Variants in HDAC5 observed in about 807,000 individuals in gnomAD.
HDAC5 encodes the protein histone deacetylase 5.
Under a neutral mutation model 133.3 loss-of-function variants are expected in HDAC5, and 25 were observed. The ratio of observed to expected loss-of-function variants is 0.19; its 90% CI spans 0.14 to 0.26. The LOEUF is 0.26. Among genes scored for constraint, HDAC5 ranks in the 10% least tolerant of loss-of-function variants. The pLI is 1.00. For missense variants in HDAC5, 1,041 were observed against 1,460.5 expected (o/e 0.71, Z 4.68); for synonymous variants, 589 against 610.8 (o/e 0.96, Z 0.53).
At chr17:44,080,256 CAGATG>C in intron 22 of HDAC5, 31 bp from the exon 23 acceptor site, 1 of 1,593,282 alleles carries the variant, frequency 6.3e-7, no homozygotes, top group Non-Finnish European at 8.6e-7. Context: ...CTGAGCCCGG[CAGATG>C]ACCAGGCCAG....
At chr17:44,098,343 C>T (rs1027863775) in intron 3 of HDAC5, among the ~76,000 whole-genome samples, 1 of 152,160 alleles carries the variant, frequency 6.6e-6, no homozygotes, top group South Asian at 2.1e-4. Context: ...GGCTCTTGGC[C>T]GCCTCCTGGT....
In HDAC5 at chr17:44,086,759, G is replaced by A. The variant is rs541377830; in HGVS notation, c.1885-22C>T. 91 of 1,285,740 alleles carry A rather than the reference G, an allele frequency of 7.1e-5. 1 individual carries two copies. In the South Asian group the frequency reaches 3.1e-3, roughly 44 times the overall value. The allele number at this position is 1,285,740 out of a possible 1,614,324, so 79.6% of individuals were successfully genotyped here. A position where few individuals can be genotyped will look rare whatever the true frequency, so the allele number is the denominator to read the frequency against. On this transcript the variant is annotated intron_variant, in intron 13 of 26. Transcript: ENST00000682912. ...ACAGCTGGAGGGGAGAATGGGAGGGGGCCTGGGTCAGACTCAGCCAGGACA... is the reference window on the plus strand; with the variant it reads ...ACAGCTGGAGGGGAGAATGGGAGGGAGCCTGGGTCAGACTCAGCCAGGACA...
chr17:44,092,136 T>C, intron 9 of HDAC5, 36 bp downstream of exon 9: 1 of 1,575,024 alleles, frequency 6.3e-7, no homozygotes, highest in Non-Finnish European at 8.7e-7. Flanking sequence ...GGAGCAACTC[T>C]GTCCCCGCCC....
chr17:44,085,193 G>A, intron 14 of HDAC5, 38 bp from the exon 15 acceptor site: 2 of 1,533,718 alleles, frequency 1.3e-6, no homozygotes, highest in Non-Finnish European at 1.8e-6. Flanking sequence ...GCACTGCTCT[G>A]GGCCCAGGAT....
In HDAC5 at chr17:44,111,348, G is replaced by C. The variant is rs770311942; in HGVS notation, c.23-548C>G. On this transcript the variant is annotated intron_variant, in intron 2 of 26. Coordinates refer to ENST00000682912, the MANE Select transcript of HDAC5 (RefSeq NM_005474.5). Reference sequence around the variant, plus strand: ...GCGGGCTGCCAGGAGGCCCCATGGGGGGGGAGGCGGTTCTACCCCAGGAGG... The same window carrying C: ...GCGGGCTGCCAGGAGGCCCCATGGGCGGGGAGGCGGTTCTACCCCAGGAGG... The C allele has an allele frequency of 1.8e-4, 60 of 331,350 alleles. No individual in the cohort carries two copies. In the Admixed American group the frequency reaches 2.2e-3, roughly 12 times the overall value. The allele number at this position is 331,350 out of a possible 1,614,324, so 20.5% of individuals were successfully genotyped here.
intron 16 of HDAC5, 70 bp downstream of exon 16, chr17:44,084,485 G>T: frequency 6.3e-7 from 1 of 1,590,794 alleles, no homozygotes. Flanking sequence ...TGGTCAGGCA[G>T]TCTTCCTGAG....
Position 44,117,534 on chromosome 17 carries a change from G to GCA in HDAC5, c.-20_-19insTG. 1 of 1,613,678 alleles carries GCA rather than the reference G, an allele frequency of 6.2e-7. No individual in the cohort carries two copies. The highest frequency in any genetic ancestry group is 8.5e-7 in the Non-Finnish European group (1 of 1,179,984). On this transcript the variant is annotated 5_prime_UTR_variant, in exon 2 of 27. Transcript: ENST00000682912. This position sits in a 1 kb window ranked among gnomAD's most constrained non-coding sequence, Gnocchi z 4.2. ...AGTTCATGCCGGCTCTGGGCCTGCAGGAAGCTGGCGTTGGGGGCTGGGACG... is the reference window on the plus strand; with the variant it reads ...AGTTCATGCCGGCTCTGGGCCTGCAGCAGAAGCTGGCGTTGGGGGCTGGGACG...
intron 3 of HDAC5, among the ~76,000 whole-genome samples, chr17:44,100,253 G>C (rs753946008): frequency 6.6e-6 from 1 of 152,072 alleles, no homozygotes; most frequent in Non-Finnish European, 1.5e-5. Flanking sequence ...CCAGGTCCAA[G>C]CCCCCTCTCA....
chr17:44,105,402 A>G (rs400460), intron 3 of HDAC5, among the ~76,000 whole-genome samples: 101,628 of 152,136 alleles, frequency 0.67, 35,294 homozygotes, highest in South Asian at 0.88. Flanking sequence ...CTCTGGAGAA[A>G]TAGACTCACA....
chr17:44,101,127 C>T (rs1040527943), intron 3 of HDAC5, among the ~76,000 whole-genome samples: 22 of 148,214 alleles, frequency 1.5e-4, no homozygotes, highest in African/African-American at 4.0e-4. Flanking sequence ...CTGCTCCAGC[C>T]GGGCACAGTG....
chr17:44,084,891 T>TCCC, intron 15 of HDAC5, 131 bp downstream of exon 15: 1 of 1,307,312 alleles, frequency 7.6e-7, no homozygotes, highest in Non-Finnish European at 1.1e-6. Flanking sequence ...TGGAACGGGG[T>TCCC]GGTGGGAGAA....
chr17:44,119,684 C>A (rs769872599), intron 1 of HDAC5, among the ~76,000 whole-genome samples: 1 of 152,256 alleles, frequency 6.6e-6, no homozygotes, highest in Non-Finnish European at 1.5e-5. Flanking sequence ...GAGCCACAGG[C>A]TGAGCCTCCC....
At chr17:44,102,678 T>C (rs948252657) in intron 3 of HDAC5, among the ~76,000 whole-genome samples, 3 of 150,436 alleles carry the variant, frequency 2.0e-5, no homozygotes, top group African/African-American at 7.3e-5. Context: ...TTTTTTTTTT[T>C]TTTTTGGAGA....
At position 44,087,537 on chromosome 17, in the gene HDAC5, C is replaced by T; in HGVS notation, c.1759G>A (p.Glu587Lys). The change falls in exon 13 of 27, where the codon GAG becomes AAG. Residue 587 changes from glutamate to lysine, a missense_variant. Glu to Lys is a moderately conservative substitution (Grantham distance 56). Coordinates refer to ENST00000682912, the MANE Select transcript of HDAC5 (RefSeq NM_005474.5). ...CCATCGTCTTCCTCGTCCTCCTCCT[C>T]CAGGTCTTCCTGTGTGCTCTCACTC... ...TESESTQEDL[E>K]EEDEEDDGEE... The T allele has an allele frequency of 6.2e-7, 1 of 1,613,926 alleles. No homozygotes were observed. The highest frequency in any genetic ancestry group is 1.7e-4 in the Middle Eastern group (1 of 6,058).
intron 3 of HDAC5, among the ~76,000 whole-genome samples, chr17:44,106,789 T>C (rs1055319808): frequency 6.6e-6 from 1 of 151,994 alleles, no homozygotes; most frequent in Non-Finnish European, 1.5e-5. Context: ...GGTTTCTCCA[T>C]GTTGGTCAGG....
chr17:44,080,976 G>GT (rs1436161071), intron 20 of HDAC5, 94 bp from the exon 21 acceptor site: 2 of 1,540,528 alleles, frequency 1.3e-6, no homozygotes, highest in African/African-American at 2.7e-5. Context: ...GCTCATGCCT[G>GT]TAATCCTAGC....
At chr17:44,095,833 T>A (rs1194903988) in intron 3 of HDAC5, among the ~76,000 whole-genome samples, 4 of 151,670 alleles carry the variant, frequency 2.6e-5, no homozygotes, top group Non-Finnish European at 5.9e-5. Context: ...TCGGCAGAGA[T>A]CTCAGAACTC....
chr17:44,108,751 C>CAAAAAAAAAAAAA (rs773575696), intron 3 of HDAC5, among the ~76,000 whole-genome samples: 2 of 56,944 alleles, frequency 3.5e-5, no homozygotes, highest in African/African-American at 1.1e-4. Flanking sequence ...TTCCAGAGTC[C>CAAAAAAAAAAAAA]AAAAAAAAAA....
At chr17:44,108,939 G>A (rs1376525645) in intron 3 of HDAC5, among the ~76,000 whole-genome samples, 1 of 151,784 alleles carries the variant, frequency 6.6e-6, no homozygotes, top group African/African-American at 2.4e-5. Context: ...CCACTCTGAA[G>A]GCCAGCCAGC....
Sources: allele counts gnomAD v4.1 joint callset (sites outside exome capture counted in the v4.1 genomes callset), GRCh38; gene constraint gnomAD v4.1.1; non-coding constraint Gnocchi (gnomAD v3.1); transcripts MANE v1.5; gene names NCBI Gene and HGNC (gene_info 2026-07-23, HGNC 2026-07-21).